The following PAQR9 variants were observed in gnomAD, a reference collection of about 807,000 sequenced individuals.
PAQR9 encodes membrane progestin receptor epsilon.
Under a neutral mutation model 24.0 loss-of-function variants are expected in PAQR9, and 12 were observed. The ratio of observed to expected loss-of-function variants is 0.50; its 90% confidence interval spans 0.32 to 0.81. The LOEUF (loss-of-function observed/expected upper bound fraction) is 0.81, where lower values mean the gene tolerates loss of function less well. PAQR9 is among the 30% of genes least tolerant of loss of function. The pLI, the probability that PAQR9 is intolerant of heterozygous loss-of-function variation, is 0.03. For missense variants in PAQR9, 418 were observed against 520.8 expected (o/e 0.80, Z 1.92); for synonymous variants, 266 against 237.6 (o/e 1.12, Z -1.10).
At chr3:142,950,551 A>T (rs905792207), downstream of PAQR9, 10 of 446,264 alleles carry the variant, frequency 2.2e-5, no homozygotes, top group African/African-American at 2.0e-4. Context: ...TTCTTTCATT[A>T]CAGGAAATGG....
At position 142,958,684 on chromosome 3, in the gene PAQR9, T is replaced by C. The variant is rs944720558; in HGVS notation, c.*3519A>G. ...AAATTAGGCTAAATTGTTTTTTGAC[T>C]GCAAGCACTTACAAGCTGGATTTAT... On this transcript the variant is annotated 3_prime_UTR_variant, in exon 1 of 1. Transcript: ENST00000340634. 2.0e-5 allele frequency among the ~76,000 whole-genome samples: 3 copies of C among 152,240 alleles called. No individual in the cohort carries two copies. In the East Asian group the frequency reaches 5.8e-4, roughly 29 times the overall value.
downstream of PAQR9, chr3:142,952,754 A>T (rs6782203): frequency 7.6e-3 from 3,482 of 456,652 alleles, 66 homozygotes; most frequent in African/African-American, 0.049. Flanking sequence ...GATTCCAGGA[A>T]AAAACAAGAA....
downstream of PAQR9, chr3:142,951,776 T>G (rs1934715376): frequency 2.2e-6 from 1 of 456,446 alleles, no homozygotes. Flanking sequence ...TTGAGAAAAT[T>G]GATGTCAGGC....
At position 142,962,307 on chromosome 3, in the gene PAQR9, G is replaced by C; in HGVS notation, c.1030C>G (p.Pro344Ala). Reference protein sequence around the residue: ...RQFLQAPPAAPTFSGTVGYML... With the variant: ...RQFLQAPPAAATFSGTVGYML... ...TAGCCCACAGTACCCGAGAAAGTGGGTGCGGCAGGCGGCGCCTGGAGGAAC... is the reference window on the plus strand; with the variant it reads ...TAGCCCACAGTACCCGAGAAAGTGGCTGCGGCAGGCGGCGCCTGGAGGAAC... Residue 344 changes from proline to alanine, a missense_variant, in exon 1 of 1, where the codon CCC becomes GCC. Physicochemically the swap from Pro to Ala is conservative, Grantham distance 27. Around this residue, in one of 3 missense-constraint regions of PAQR9, gnomAD observed 230 missense variants for 305.2 expected, o/e 0.75. Coordinates refer to ENST00000340634, the MANE Select transcript of PAQR9 (RefSeq NM_198504.4). The C allele has an allele frequency of 6.2e-7, 1 of 1,614,168 alleles. No individual in the cohort carries two copies. Among genetic ancestry groups the C allele is most frequent in the Non-Finnish European group, 8.5e-7 (1 of 1,180,038 alleles).
Position 142,963,274 on chromosome 3 carries a change from TGCCGGG to T in PAQR9, c.57_62del (p.Pro20_Ala21del). On this transcript the variant is annotated inframe_deletion, in exon 1 of 1. Transcript: ENST00000340634. ...GGGAGTTCCGGGCGGCCCCCGAAGCTGCCGGGGCCGGGGCCGGAGGGCCTTTTGTGC... is the reference window on the plus strand; with the variant it reads ...GGGAGTTCCGGGCGGCCCCCGAAGCTGCCGGGGCCGGAGGGCCTTTTGTGC... 9 of 1,498,764 alleles carry T rather than the reference TGCCGGG, an allele frequency of 6.0e-6. No individual in the cohort carries two copies. Among genetic ancestry groups the T allele is most frequent in the Non-Finnish European group, 8.0e-6 (9 of 1,126,040 alleles). 92.8% of individuals were successfully genotyped at this position (1,498,764 alleles called of 1,614,324 possible).
At position 142,956,949 on chromosome 3, in the gene PAQR9, A is replaced by G. The variant is rs1934798976; in HGVS notation, c.*5254T>C. Among the ~76,000 whole-genome samples the G allele has an allele frequency of 1.3e-5, 2 of 152,228 alleles. No homozygotes were observed. Among genetic ancestry groups the G allele is most frequent in the Admixed American group, 1.3e-4 (2 of 15,292 alleles). ...GAAAACGTGTGGCCTCTCACAAAAGAACACAGTAGTGCTCAGCTCCAACCA... is the reference window on the plus strand; with the variant it reads ...GAAAACGTGTGGCCTCTCACAAAAGGACACAGTAGTGCTCAGCTCCAACCA... On this transcript the variant is annotated 3_prime_UTR_variant, in exon 1 of 1. Coordinates refer to ENST00000340634, the MANE Select transcript of PAQR9 (RefSeq NM_198504.4).
At position 142,963,492 on chromosome 3, in the gene PAQR9, C is replaced by T. The variant is rs1934958383; in HGVS notation, c.-156G>A. The T allele has an allele frequency of 9.7e-7, 1 of 1,029,608 alleles. No individual in the cohort carries two copies. Among genetic ancestry groups the T allele is most frequent in the African/African-American group, 1.7e-5 (1 of 58,120 alleles). The allele number at this position is 1,029,608 out of a possible 1,614,324, so 63.8% of individuals were successfully genotyped here. A position where few individuals can be genotyped will look rare whatever the true frequency, so the allele number is the denominator to read the frequency against. ...AGACCCGTGCCTCCGAGCAGCCGCT[C>T]CTAAAAATTAAATAAATCAATAAGA... On this transcript the variant is annotated 5_prime_UTR_variant, in exon 1 of 1. Transcript: ENST00000340634.
exon 3 of PAQR9, chr3:142,949,263 G>C (rs1934683974): frequency 6.6e-6 from 1 of 152,156 alleles, no homozygotes; most frequent in Admixed American, 6.5e-5. Context: ...GTAAGAATCT[G>C]AGAGAACTCT....
rs150071656 is a variant in PAQR9 at position 142,955,442 on chromosome 3, TAAAAAAAAAAAAAAAAAAA to T, written c.*6742_*6760del. Among the ~76,000 whole-genome samples the T allele has an allele frequency of 2.9e-3, 62 of 21,622 alleles. No individual in the cohort carries two copies. Among genetic ancestry groups the T allele is most frequent in the Admixed American group, 8.1e-3 (8 of 990 alleles). 14.2% of individuals were successfully genotyped at this position (21,622 alleles called of 152,430 possible). ...GAGCGACCACATGGTCTATACAAAT[TAAAAAAAAAAAAAAAAAAA>T]AAAAAAAAAAAAAAAAGCAGCCACA... On this transcript the variant is annotated 3_prime_UTR_variant, in exon 1 of 1. Coordinates refer to ENST00000340634, the MANE Select transcript of PAQR9 (RefSeq NM_198504.4).
At chr3:142,954,370 TTTTAA>T (rs764980171), downstream of PAQR9, among the ~76,000 whole-genome samples, 12 of 152,240 alleles carry the variant, frequency 7.9e-5, no homozygotes, top group Non-Finnish European at 1.0e-4. Flanking sequence ...TGAATTTTCT[TTTTAA>T]TTTATCTAAT....
downstream of PAQR9, chr3:142,950,044 A>C (rs1300707479): frequency 6.6e-6 from 1 of 152,184 alleles, no homozygotes; most frequent in Non-Finnish European, 1.5e-5. Context: ...TCTAGCATTT[A>C]TGCTTGATTT....
chr3:142,963,628 G>C lies in PAQR9; in HGVS notation c.-292C>G. The C allele has an allele frequency of 1.3e-5, 9 of 699,002 alleles. No homozygotes were observed. Among genetic ancestry groups the C allele is most frequent in the Non-Finnish European group, 1.6e-5 (9 of 570,542 alleles). 43.3% of individuals were successfully genotyped at this position (699,002 alleles called of 1,614,324 possible). A position where few individuals can be genotyped will look rare whatever the true frequency, so the allele number is the denominator to read the frequency against. On this transcript the variant is annotated 5_prime_UTR_variant, in exon 1 of 1. Transcript: ENST00000340634. ...GCGCGCGGCCGCCCGCGCTGCGGCA[G>C]CGGCGGCGGCGCGGCTGACTGCGGC...
At position 142,962,961 on chromosome 3, in the gene PAQR9, C is replaced by G. The variant is rs1387566276; in HGVS notation, c.376G>C (p.Ala126Pro). The change falls in exon 1 of 1, where the codon GCG becomes CCG. Residue 126 changes from alanine to proline, a missense_variant. By Grantham distance (27) the Ala-to-Pro change is conservative. Around this residue, in one of 3 missense-constraint regions of PAQR9, gnomAD observed 180 missense variants for 190.3 expected, o/e 0.95. Coordinates refer to ENST00000340634, the MANE Select transcript of PAQR9 (RefSeq NM_198504.4). ...GCGAAGGTCAGCAGCACTCCCGACG[C>G]GTAGCACCACAACGGTAGCAGCCAC... ...HPWLLPLWCY[A>P]SGVLLTFAMS... The G allele has an allele frequency of 6.2e-7, 1 of 1,613,952 alleles. No individual in the cohort carries two copies. Among genetic ancestry groups the G allele is most frequent in the East Asian group, 2.2e-5 (1 of 44,888 alleles).
exon 3 of PAQR9, chr3:142,949,491 T>A (rs528663991): frequency 6.6e-6 from 1 of 152,236 alleles, no homozygotes; most frequent in Admixed American, 6.5e-5. Context: ...CATATATTTT[T>A]ACAACTGCAA....
chr3:142,951,271 C>T (rs1192950846), downstream of PAQR9, among the ~76,000 whole-genome samples: 1 of 152,090 alleles, frequency 6.6e-6, no homozygotes, highest in African/African-American at 2.4e-5. Flanking sequence ...CATATTGTGT[C>T]TCCCTTTACC....
chr3:142,954,199 A>C (rs1934758637), downstream of PAQR9, among the ~76,000 whole-genome samples: 1 of 152,254 alleles, frequency 6.6e-6, no homozygotes, highest in Non-Finnish European at 1.5e-5. Context: ...GGACAGAGAT[A>C]CTGTAAGTTC....
rs144216515 is a variant in PAQR9 at position 142,949,513 on chromosome 3, A to G, written c.*1036T>C. 3.3e-5 allele frequency: 5 copies of G among 152,366 alleles called. No individual in the cohort carries two copies. In the East Asian group the frequency reaches 9.6e-4, roughly 29 times the overall value. 9.4% of individuals were successfully genotyped at this position (152,366 alleles called of 1,614,324 possible). On this transcript the variant is annotated 3_prime_UTR_variant, in exon 3 of 3. Transcript: ENST00000492509. ...TTTTACAACTGCAAAGTATCAAGAT[A>G]GAGAGAATGGACATTATGGGAGCAG... is the stretch of plus-strand genomic sequence containing the variant.
At chr3:142,952,373 T>G (rs989977455), downstream of PAQR9, among the ~76,000 whole-genome samples, 4 of 152,194 alleles carry the variant, frequency 2.6e-5, no homozygotes, top group East Asian at 1.9e-4. Context: ...ACAGCATATC[T>G]GTACTTAAAA....
rs7627274 is a variant in PAQR9 at position 142,956,118 on chromosome 3, T to C, written c.*6085A>G. ...TTTTAAAAAATTTTCCCAGGAATTT[T>C]ATTTTTTGCATCCAGCATATTAAAA... On this transcript the variant is annotated 3_prime_UTR_variant, in exon 1 of 1. Transcript: ENST00000340634. 0.019 allele frequency among the ~76,000 whole-genome samples: 2,968 copies of C among 152,346 alleles called. 85 individuals carry two copies. Among genetic ancestry groups the C allele is most frequent in the African/African-American group, 0.064 (2,680 of 41,572 alleles).
Sources: gnomAD v4.1 joint callset for allele counts (sites outside exome capture counted in the v4.1 genomes callset) on GRCh38, gnomAD v4.1.1 for gene constraint, gnomAD v4.1.1 regional missense constraint, MANE v1.5 for transcripts, NCBI Gene and HGNC (gene_info 2026-07-23, HGNC 2026-07-21) for gene names.